The following BAALC variants were observed in gnomAD, a reference collection of about 807,000 sequenced individuals.
BAALC encodes brain and acute leukemia cytoplasmic protein.
In BAALC, 9 loss-of-function variants were observed where a neutral mutation model predicts 15.5. The ratio of observed to expected loss-of-function variants is 0.58; its 90% CI spans 0.35 to 1.02. BAALC has a LOEUF of 1.02. Among genes scored for constraint, BAALC ranks in the 50% least tolerant of loss-of-function variants. BAALC has a pLI of 0.02. For missense variants in BAALC, 201 were observed against 192.4 expected (o/e 1.04, Z -0.27); for synonymous variants, 80 against 74.6 (o/e 1.07, Z -0.37).
intron 1 of BAALC, among the ~76,000 whole-genome samples, chr8:103,142,865 T>C (rs937802637): frequency 2.6e-5 from 4 of 152,278 alleles, no homozygotes; most frequent in African/African-American, 9.6e-5. Flanking sequence ...AGGTGGGGCC[T>C]GGGACAGACA....
At chr8:103,207,078 A>G (rs1812347587) in intron 1 of BAALC, among the ~76,000 whole-genome samples, 1 of 152,160 alleles carries the variant, frequency 6.6e-6, no homozygotes, top group African/African-American at 2.4e-5. Flanking sequence ...AGCTACCAAC[A>G]TCCACCACAC....
intron 1 of BAALC, among the ~76,000 whole-genome samples, chr8:103,159,816 G>A (rs72671378): frequency 0.099 from 14,988 of 151,970 alleles, 991 homozygotes; most frequent in Non-Finnish European, 0.15. Context: ...TGGAATTACC[G>A]ATTTCTCTAA....
intron 1 of BAALC, among the ~76,000 whole-genome samples, chr8:103,176,812 C>T (rs1263331658): frequency 6.6e-6 from 1 of 152,088 alleles, no homozygotes; most frequent in Admixed American, 6.6e-5. Flanking sequence ...TTTCATTTTG[C>T]CCCAATGTGA....
In BAALC at chr8:103,140,817, G is replaced by GCCGGGGCTGCGCCT; in HGVS notation, c.-71_-58dup. ...TGTCGCCGCCGCCGCCTCCTTGCGG[G>GCCGGGGCTGCGCCT]CCGGGGCTGCGCCTCCGGGGCTGAG... is the stretch of plus-strand genomic sequence containing the variant. On this transcript the variant is annotated 5_prime_UTR_variant, in exon 1 of 3. It removes the in-frame stop codon of an upstream open reading frame in the 5' UTR. Coordinates refer to ENST00000309982, the MANE Select transcript of BAALC (RefSeq NM_024812.3). This position sits in a 1 kb window ranked among gnomAD's most constrained non-coding sequence, Gnocchi z 4.2. 8.1e-7 allele frequency: 1 copy of GCCGGGGCTGCGCCT among 1,241,960 alleles called. No individual in the cohort carries two copies. 76.9% of individuals were successfully genotyped at this position (1,241,960 alleles called of 1,614,324 possible). A position where few individuals can be genotyped will look rare whatever the true frequency, so the allele number is the denominator to read the frequency against.
chr8:103,198,251 G>C (rs753693943), intron 1 of BAALC: 1 of 594,070 alleles, frequency 1.7e-6, no homozygotes, highest in Admixed American at 3.1e-5. Context: ...CATTATATTT[G>C]ACTACTATTT....
intron 1 of BAALC, chr8:103,198,191 T>G (rs1812137866): frequency 7.2e-6 from 5 of 698,492 alleles, no homozygotes; most frequent in Non-Finnish European, 1.3e-5. Flanking sequence ...TTTTGTAAAA[T>G]AGGCATTGCA....
At chr8:103,175,086 T>C (rs926894120) in intron 1 of BAALC, among the ~76,000 whole-genome samples, 5 of 152,212 alleles carry the variant, frequency 3.3e-5, no homozygotes, top group African/African-American at 1.2e-4. Context: ...CTGCAGTTAC[T>C]CACCTCTCTG....
chr8:103,194,612 G>A (rs902031458), intron 1 of BAALC, among the ~76,000 whole-genome samples: 1 of 152,186 alleles, frequency 6.6e-6, no homozygotes, highest in Admixed American at 6.5e-5. Flanking sequence ...GTTCATTCAT[G>A]TTGTTATAAC....
rs560484312 is a variant in BAALC, at chr8:103,221,131, A to G, written c.328-6858A>G. Among the ~76,000 whole-genome samples, 21 of 152,330 alleles carry G rather than the reference A, an allele frequency of 1.4e-4. No individual in the cohort carries two copies. The South Asian group carries it at 4.4e-3, about 32-fold the overall frequency. ...TATTGACATCTGAACCCCAAGATAA[A>G]CAAGTCCATCTGGGTCAGAGACTGC... On this transcript the variant is annotated intron_variant, in intron 2 of 2. Transcript: ENST00000309982.
chr8:103,141,083 C>T (rs758624549), intron 1 of BAALC, 26 bp downstream of exon 1: 299 of 1,413,148 alleles, frequency 2.1e-4, no homozygotes, highest in Non-Finnish European at 2.2e-4. Context: ...CCTGCAGACC[C>T]TCGCCCGCCC....
chr8:103,164,692 T>C (rs1270573118), intron 1 of BAALC, among the ~76,000 whole-genome samples: 1 of 152,214 alleles, frequency 6.6e-6, no homozygotes, highest in African/African-American at 2.4e-5. Context: ...CTTCCTCCGA[T>C]GGAACATTTT....
rs1811814577 is a variant in BAALC, at chr8:103,185,479, G to A, written c.161-27440G>A. 2.6e-5 allele frequency among the ~76,000 whole-genome samples: 4 copies of A among 152,102 alleles called. No homozygotes were observed. In the South Asian group the frequency reaches 8.3e-4, roughly 32 times the overall value. ...TTTCTATTCTAATGGTTATCCTAAA[G>A]TTTATACACACATAATTTATCAAAG... On this transcript the variant is annotated intron_variant, in intron 1 of 2. Transcript: ENST00000309982.
intron 1 of BAALC, among the ~76,000 whole-genome samples, chr8:103,202,390 T>A (rs1335279549): frequency 5.3e-5 from 8 of 152,114 alleles, no homozygotes; most frequent in Non-Finnish European, 1.0e-4. Flanking sequence ...GGAGAAGACA[T>A]CTATCTACAA....
intron 1 of BAALC, among the ~76,000 whole-genome samples, chr8:103,206,592 C>T (rs1370258493): frequency 6.6e-6 from 1 of 152,146 alleles, no homozygotes; most frequent in Non-Finnish European, 1.5e-5. Context: ...GCATTCAGGT[C>T]AGTCGTCTCC....
At chr8:103,202,499 G>A (rs1183780889) in intron 1 of BAALC, among the ~76,000 whole-genome samples, 8 of 152,198 alleles carry the variant, frequency 5.3e-5, no homozygotes, top group Admixed American at 5.2e-4. Flanking sequence ...TCTTGGTTAA[G>A]CCATCAGTCT....
At chr8:103,184,485 T>C (rs713368) in intron 1 of BAALC, among the ~76,000 whole-genome samples, 79,116 of 151,982 alleles carry the variant, frequency 0.52, 20,764 homozygotes, top group African/African-American at 0.58. Flanking sequence ...TCACTGCATC[T>C]CCCAAAATTC....
At chr8:103,149,550 G>A (rs1235431244) in intron 1 of BAALC, among the ~76,000 whole-genome samples, 6 of 152,202 alleles carry the variant, frequency 3.9e-5, no homozygotes, top group Non-Finnish European at 5.9e-5. Flanking sequence ...CCATGAAGAC[G>A]ATGCTGTATT....
chr8:103,178,942 ATAGT>A (rs1390952801), intron 1 of BAALC, among the ~76,000 whole-genome samples: 1 of 152,144 alleles, frequency 6.6e-6, no homozygotes, highest in Non-Finnish European at 1.5e-5. Flanking sequence ...ACTTTTAAAA[ATAGT>A]TGGTGGAAAG....
chr8:103,177,013 A>C (rs1166626539), intron 1 of BAALC, among the ~76,000 whole-genome samples: 4 of 152,102 alleles, frequency 2.6e-5, no homozygotes, highest in African/African-American at 7.2e-5. Context: ...AAATTTAGAC[A>C]AAGTATGCTT....
Sources: allele counts gnomAD v4.1 joint callset (sites outside exome capture counted in the v4.1 genomes callset), GRCh38; gene constraint gnomAD v4.1.1; non-coding constraint Gnocchi (gnomAD v3.1); transcripts MANE v1.5; gene names NCBI Gene and HGNC (gene_info 2026-07-23, HGNC 2026-07-21).